CSMD1: variants seen among roughly 807,000 people sequenced by gnomAD.
CSMD1 encodes the protein CUB and sushi domain-containing protein 1.
In CSMD1, 213 loss-of-function variants were observed where a neutral mutation model predicts 417.5. That is an observed-to-expected ratio of 0.51 (90% CI 0.46 to 0.57). The LOEUF (loss-of-function observed/expected upper bound fraction) is 0.57. CSMD1 is among the 20% of genes least tolerant of loss of function. The pLI, the probability that CSMD1 is intolerant of heterozygous loss-of-function variation, is 0.00. For missense variants in CSMD1, 6,923 were observed against 4,529.7 expected, an observed-to-expected ratio of 1.53 and a Z score of -15.17; for synonymous variants, 2,862 against 1,736.8, an observed-to-expected ratio of 1.65 and a Z score of -16.11.
At chr8:3,370,417 G>T (rs113116340) in intron 18 of CSMD1, among the ~76,000 whole-genome samples, 9 of 152,208 alleles carry the variant, frequency 5.9e-5, no homozygotes, top group African/African-American at 1.7e-4. Context: ...TCCACCTGCA[G>T]TTGTGAGGCC....
chr8:4,075,566 A>G (rs1799777773), intron 3 of CSMD1, among the ~76,000 whole-genome samples: 1 of 152,226 alleles, frequency 6.6e-6, no homozygotes, highest in South Asian at 2.1e-4. Flanking sequence ...CTGGTAAAAT[A>G]TTAAACGATG....
At chr8:3,112,156 T>C (rs1393749271) in intron 42 of CSMD1, among the ~76,000 whole-genome samples, 2 of 150,850 alleles carry the variant, frequency 1.3e-5, no homozygotes, top group Non-Finnish European at 2.9e-5. Flanking sequence ...CTTTCAAGAG[T>C]CCCTACTGTC....
chr8:3,282,513 C>G (rs79948185), intron 26 of CSMD1, among the ~76,000 whole-genome samples: 2 of 150,418 alleles, frequency 1.3e-5, no homozygotes, highest in African/African-American at 4.9e-5. Context: ...GCTCTTGCCA[C>G]CATTTCAAAA....
At chr8:3,876,881 C>T (rs1039195224) in intron 5 of CSMD1, among the ~76,000 whole-genome samples, 16 of 152,196 alleles carry the variant, frequency 1.1e-4, no homozygotes, top group Admixed American at 2.0e-4. Flanking sequence ...CAAAATCATG[C>T]GTGGGATTAC....
At chr8:4,466,029 A>G (rs111752702) in intron 2 of CSMD1, among the ~76,000 whole-genome samples, 7 of 152,352 alleles carry the variant, frequency 4.6e-5, no homozygotes, top group African/African-American at 1.7e-4. Context: ...TTGGATTGAC[A>G]AATTACTTTT....
At chr8:3,098,739 A>G (rs188561712) in intron 46 of CSMD1, among the ~76,000 whole-genome samples, 20 of 152,306 alleles carry the variant, frequency 1.3e-4, no homozygotes, top group African/African-American at 4.6e-4. Context: ...GCCTGTGTAT[A>G]TCTGTGCAGG....
At position 3,660,338 on chromosome 8, in the gene CSMD1, G is replaced by C. The variant is rs188086005; in HGVS notation, c.1010-43541C>G. ...TGTCCACCTTACAGGATTATTGACAGGACTGAAAGTATTAGCGATCTTCCC... is the reference window on the plus strand; with the variant it reads ...TGTCCACCTTACAGGATTATTGACACGACTGAAAGTATTAGCGATCTTCCC... On this transcript the variant is annotated intron_variant, in intron 7 of 69. Coordinates refer to ENST00000635120, the MANE Select transcript of CSMD1 (RefSeq NM_033225.6). Among the ~76,000 whole-genome samples the C allele has an allele frequency of 1.4e-3, 211 of 152,170 alleles. 1 individual carries two copies. The highest frequency in any genetic ancestry group is 6.8e-3 in the Middle Eastern group (2 of 294).
intron 25 of CSMD1, among the ~76,000 whole-genome samples, chr8:3,305,971 C>A (rs1355699591): frequency 6.6e-6 from 1 of 152,082 alleles, no homozygotes; most frequent in African/African-American, 2.4e-5. Flanking sequence ...TGAGCCACTG[C>A]ACCCGGCCCC....
chr8:3,756,696 T>A (rs1797679664), intron 5 of CSMD1, among the ~76,000 whole-genome samples: 1 of 152,218 alleles, frequency 6.6e-6, no homozygotes, highest in South Asian at 2.1e-4. Context: ...TTGCTAAACT[T>A]TTCACAACCG....
chr8:3,357,855 G>C (rs772121278), intron 21 of CSMD1, among the ~76,000 whole-genome samples: 2 of 152,116 alleles, frequency 1.3e-5, no homozygotes, highest in Non-Finnish European at 2.9e-5. Context: ...ATTATTTTAG[G>C]AGAAAAGCAG....
chr8:3,118,305 C>T, intron 42 of CSMD1, 94 bp downstream of exon 42: 4 of 846,172 alleles, frequency 4.7e-6, no homozygotes, highest in South Asian at 1.9e-5. Flanking sequence ...TTATTGAATA[C>T]ATTAATAAAT....
chr8:3,362,542 T>A (rs1159565340), intron 20 of CSMD1, among the ~76,000 whole-genome samples: 1 of 152,246 alleles, frequency 6.6e-6, no homozygotes, highest in Non-Finnish European at 1.5e-5. Context: ...TCGGAACTTC[T>A]GCTGCCCCAT....
intron 26 of CSMD1, among the ~76,000 whole-genome samples, chr8:3,257,279 G>A (rs377676707): frequency 1.1e-4 from 17 of 152,270 alleles, no homozygotes; most frequent in South Asian, 4.1e-4. Context: ...AGCCAAAACC[G>A]TGCCACTGCA....
At chr8:4,673,320 C>T (rs1805447579) in intron 1 of CSMD1, among the ~76,000 whole-genome samples, 2 of 152,156 alleles carry the variant, frequency 1.3e-5, no homozygotes, top group South Asian at 2.1e-4. Context: ...GACCCAAAGA[C>T]TCCAGGGCAA....
intron 10 of CSMD1, among the ~76,000 whole-genome samples, chr8:3,500,549 G>C (rs942081002): frequency 2.0e-5 from 3 of 152,196 alleles, no homozygotes; most frequent in African/African-American, 4.8e-5. Context: ...TTCATATTTA[G>C]AGGTCAAGGA....
chr8:4,010,954 C>G (rs1167076361), intron 4 of CSMD1, among the ~76,000 whole-genome samples: 3 of 152,136 alleles, frequency 2.0e-5, no homozygotes, highest in Admixed American at 6.5e-5. Context: ...TGATGCCCAG[C>G]AATCCCGCTT....
In CSMD1 at chr8:3,336,926, T is replaced by C. The variant is rs1349827968; in HGVS notation, c.3631+6368A>G. On this transcript the variant is annotated intron_variant, in intron 23 of 69. Coordinates refer to ENST00000635120, the MANE Select transcript of CSMD1 (RefSeq NM_033225.6). ...CTCCAAAACACAGGTCTTGTAATAATGCTCCCCTAAAAAAAGTCAGTTAGT... is the reference window on the plus strand; with the variant it reads ...CTCCAAAACACAGGTCTTGTAATAACGCTCCCCTAAAAAAAGTCAGTTAGT... 2.6e-5 allele frequency among the ~76,000 whole-genome samples: 4 copies of C among 152,078 alleles called. No homozygotes were observed. The South Asian group carries it at 6.2e-4, about 24-fold the overall frequency.
intron 7 of CSMD1, among the ~76,000 whole-genome samples, chr8:3,651,437 A>C (rs1289878648): frequency 1.3e-5 from 2 of 152,032 alleles, no homozygotes; most frequent in Non-Finnish European, 2.9e-5. Flanking sequence ...TGAGCACGTA[A>C]TGCCTCAGGG....
At chr8:4,838,161 C>T (rs910555461) in intron 1 of CSMD1, among the ~76,000 whole-genome samples, 1 of 152,106 alleles carries the variant, frequency 6.6e-6, no homozygotes, top group African/African-American at 2.4e-5. Context: ...CTTTCTGCTA[C>T]TTGTGGAAGT....
Sources: gnomAD v4.1 joint callset for allele counts (sites outside exome capture counted in the v4.1 genomes callset) on GRCh38, gnomAD v4.1.1 for gene constraint, MANE v1.5 for transcripts, NCBI Gene and HGNC (gene_info 2026-07-23, HGNC 2026-07-21) for gene names.